The following LPP variants were observed in gnomAD, a reference collection of about 807,000 sequenced individuals.
The protein encoded by LPP is LIM domain containing preferred translocation partner in lipoma.
Under a neutral mutation model 60.4 loss-of-function variants are expected in LPP, and 38 were observed. The observed-to-expected ratio is 0.63, with a 90% CI of 0.49 to 0.83. The LOEUF is 0.83. Among genes scored for constraint, LPP ranks in the 40% least tolerant of loss-of-function variants. The pLI is 0.00. For missense variants in LPP, 902 were observed against 783.6 expected (o/e 1.15, Z -1.80); for synonymous variants, 328 against 290.8 (o/e 1.13, Z -1.30).
chr3:188,866,825 C>T (rs940220140), intron 10 of LPP, among the ~76,000 whole-genome samples: 1 of 152,140 alleles, frequency 6.6e-6, no homozygotes, highest in African/African-American at 2.4e-5. Context: ...CTAATCTGTG[C>T]ATCCCTGCCA....
At chr3:188,771,549 C>A (rs1191613361) in intron 9 of LPP, among the ~76,000 whole-genome samples, 49 of 108,904 alleles carry the variant, frequency 4.5e-4, no homozygotes, top group East Asian at 8.9e-4. Flanking sequence ...GACTCCATCT[C>A]AAAAAAAAAA....
chr3:188,163,887 G>T (rs1455632281), intron 1 of LPP, among the ~76,000 whole-genome samples: 2 of 150,080 alleles, frequency 1.3e-5, no homozygotes, highest in Admixed American at 1.3e-4. Context: ...GGAGGCTGAG[G>T]TTGCAGTGAG....
In LPP at chr3:188,524,759, G is replaced by T. The variant is rs1482967249; in HGVS notation, c.401G>T (p.Ser134Ile). 6.2e-7 allele frequency: 1 copy of T among 1,613,908 alleles called. No individual in the cohort carries two copies. The highest frequency in any genetic ancestry group is 8.5e-7 in the Non-Finnish European group (1 of 1,179,974). Reference protein sequence around the residue: ...LTSILADLECSSPYKPRPPQS... With the variant: ...LTSILADLECISPYKPRPPQS... ...AGCATCTTGGCTGACCTTGAGTGCA[G>T]CTCCCCCTATAAGCCTCGGCCTCCA... The change falls in exon 6 of 12, where the codon AGC becomes ATC. Residue 134 changes from serine to isoleucine, a missense_variant. Physicochemically the swap from Ser to Ile is moderately radical, Grantham distance 142. Coordinates refer to ENST00000617246, the MANE Select transcript of LPP (RefSeq NM_001375462.1).
intron 9 of LPP, among the ~76,000 whole-genome samples, chr3:188,841,128 G>C (rs1759849555): frequency 6.6e-6 from 1 of 152,146 alleles, no homozygotes; most frequent in Admixed American, 6.5e-5. Context: ...CCAATTGATA[G>C]CGTGTGTTCA....
chr3:188,868,236 C>T (rs1353946733), intron 10 of LPP, among the ~76,000 whole-genome samples: 1 of 152,162 alleles, frequency 6.6e-6, no homozygotes, highest in Non-Finnish European at 1.5e-5. Context: ...TACTTATAAT[C>T]GGAGCACACA....
chr3:188,179,809 A>C, intron 1 of LPP: 1 of 299,318 alleles, frequency 3.3e-6, no homozygotes, highest in East Asian at 9.5e-5. Context: ...CTCCTCTTTC[A>C]TTCAGCCTCA....
chr3:188,633,276 G>A (rs149418654), intron 7 of LPP, among the ~76,000 whole-genome samples: 28 of 152,278 alleles, frequency 1.8e-4, no homozygotes, highest in African/African-American at 6.5e-4. Flanking sequence ...CACCTCCCAC[G>A]TCACTGCTAA....
At chr3:188,796,535 G>T (rs1326994313) in intron 9 of LPP, among the ~76,000 whole-genome samples, 1 of 152,114 alleles carries the variant, frequency 6.6e-6, no homozygotes, top group East Asian at 1.9e-4. Flanking sequence ...TTCCCTAAGT[G>T]TTGTGGTTGC....
intron 6 of LPP, among the ~76,000 whole-genome samples, chr3:188,571,193 C>T (rs1193233453): frequency 6.6e-6 from 1 of 152,042 alleles, no homozygotes; most frequent in Non-Finnish European, 1.5e-5. Flanking sequence ...ACACATTTGG[C>T]CCTCCCATGT....
chr3:188,745,359 T>C (rs1342993860), intron 8 of LPP, among the ~76,000 whole-genome samples: 2 of 152,178 alleles, frequency 1.3e-5, no homozygotes, highest in East Asian at 1.9e-4. Context: ...ATAGGTGCTC[T>C]GTAAATGTTA....
chr3:188,776,031 G>A lies in LPP; in HGVS notation c.1410+15749G>A, dbSNP rs150256850. Among the ~76,000 whole-genome samples the A allele has an allele frequency of 2.1e-3, 325 of 152,364 alleles. 1 individual carries two copies. Among genetic ancestry groups the A allele is most frequent in the African/African-American group, 7.5e-3 (310 of 41,586 alleles). ...GACATTGAGTGAGCACCTTCTGTGT[G>A]CAAAAGACTGTGCTCCGTGCTATGC... On this transcript the variant is annotated intron_variant, in intron 9 of 11. Coordinates refer to ENST00000617246, the MANE Select transcript of LPP (RefSeq NM_001375462.1).
chr3:188,203,865 C>T (rs569385943), intron 1 of LPP, among the ~76,000 whole-genome samples: 1 of 151,620 alleles, frequency 6.6e-6, no homozygotes, highest in African/African-American at 2.4e-5. Flanking sequence ...TGGTTACTGG[C>T]TCAGCCACTT....
intron 5 of LPP, among the ~76,000 whole-genome samples, chr3:188,507,292 A>T (rs1813805231): frequency 6.6e-6 from 1 of 152,082 alleles, no homozygotes; most frequent in Non-Finnish European, 1.5e-5. Flanking sequence ...CTGCTTCTGT[A>T]TACTGACTCA....
chr3:188,777,672 C>T (rs1034263212), intron 9 of LPP, among the ~76,000 whole-genome samples: 7 of 152,094 alleles, frequency 4.6e-5, no homozygotes, highest in Non-Finnish European at 7.4e-5. Flanking sequence ...CTGCATCCCC[C>T]GAGGCTCCTT....
At chr3:188,487,375 G>T in intron 5 of LPP, among the ~76,000 whole-genome samples, 1 of 152,148 alleles carries the variant, frequency 6.6e-6, no homozygotes, top group East Asian at 1.9e-4. Context: ...GCTTTCAAAA[G>T]ATAATGAAGA....
chr3:188,793,148 T>A (rs1744293570), intron 9 of LPP, among the ~76,000 whole-genome samples: 1 of 151,506 alleles, frequency 6.6e-6, no homozygotes, highest in African/African-American at 2.4e-5. Flanking sequence ...AGGAAGAGAT[T>A]ATGAAGATTA....
intron 4 of LPP, among the ~76,000 whole-genome samples, chr3:188,430,754 C>G (rs1346250862): frequency 6.6e-6 from 1 of 152,054 alleles, no homozygotes; most frequent in Non-Finnish European, 1.5e-5. Context: ...TAACTGAAAG[C>G]CCAATAGTAA....
intron 7 of LPP, among the ~76,000 whole-genome samples, chr3:188,679,519 CTGTGTG>C (rs56733573): frequency 0.18 from 25,418 of 142,792 alleles, 2,353 homozygotes; most frequent in Non-Finnish European, 0.2. Flanking sequence ...TTTGAATACT[CTGTGTG>C]TGTGTGTGTG....
chr3:188,356,452 G>A (rs1767642575), intron 3 of LPP, among the ~76,000 whole-genome samples: 1 of 152,296 alleles, frequency 6.6e-6, no homozygotes, highest in South Asian at 2.1e-4. Context: ...TCCAATGATT[G>A]AGTGTGGGGT....
Sources: gnomAD v4.1 joint callset for allele counts (sites outside exome capture counted in the v4.1 genomes callset) on GRCh38, gnomAD v4.1.1 for gene constraint, MANE v1.5 for transcripts, NCBI Gene and HGNC (gene_info 2026-07-23, HGNC 2026-07-21) for gene names.